NEIL2: variants seen among roughly 807,000 people sequenced by gnomAD.
NEIL2 encodes endonuclease 8-like 2.
In NEIL2, 23 loss-of-function variants were observed where a neutral mutation model predicts 22.2. The ratio of observed to expected loss-of-function variants is 1.04; its 90% CI spans 0.75 to 1.47. NEIL2 has a LOEUF of 1.47. NEIL2 is among the 40% of genes most tolerant of loss of function. NEIL2 has a pLI of 0.00. For synonymous variants in NEIL2, 229 were observed against 164.8 expected, an observed-to-expected ratio of 1.39 and a Z score of -2.99; for missense variants, 583 against 404.7, an observed-to-expected ratio of 1.44 and a Z score of -3.78.
chr8:11,786,953 T>C lies in NEIL2; in HGVS notation c.*680T>C, dbSNP rs1310970708. On this transcript the variant is annotated 3_prime_UTR_variant, in exon 5 of 5. Transcript: ENST00000284503. ...CCGCGCCCAGCTAGCTCCTGTGTTT[T>C]GTTTTTGTTTTGTAACTTTGGTTGA... The C allele has an allele frequency of 6.6e-6, 1 of 152,642 alleles. No individual in the cohort carries two copies. Among genetic ancestry groups the C allele is most frequent in the Non-Finnish European group, 1.5e-5 (1 of 68,388 alleles). 9.5% of individuals were successfully genotyped at this position (152,642 alleles called of 1,614,324 possible).
At position 11,785,947 on chromosome 8, in the gene NEIL2, C is replaced by T. The variant is rs765233210; in HGVS notation, c.689-16C>T. The T allele has an allele frequency of 5.6e-6, 9 of 1,612,434 alleles. No individual in the cohort carries two copies. In the South Asian group the frequency reaches 6.6e-5, roughly 12 times the overall value. On this transcript the variant is annotated splice_polypyrimidine_tract_variant and intron_variant, in intron 4 of 4. Transcript: ENST00000284503. ...TGTCCTTTGTCCTTCCCTTACCTTC[C>T]CCCGCTTTATTTCAGGGAACATCAT...
At chr8:11,781,215 A>C (rs1804393140) in intron 3 of NEIL2, among the ~76,000 whole-genome samples, 1 of 152,140 alleles carries the variant, frequency 6.6e-6, no homozygotes, top group Non-Finnish European at 1.5e-5. Flanking sequence ...TATGGGCTGT[A>C]AAAATAACTC....
intron 2 of NEIL2, 124 bp downstream of exon 2, chr8:11,771,709 G>T (rs781506706): frequency 3.2e-5 from 30 of 942,102 alleles, no homozygotes; most frequent in Non-Finnish European, 4.3e-5. Flanking sequence ...CGGACTCCAT[G>T]CAGCTCCCTC....
intron 4 of NEIL2, among the ~76,000 whole-genome samples, chr8:11,784,640 A>G (rs1196269071): frequency 6.6e-6 from 1 of 152,180 alleles, no homozygotes; most frequent in Non-Finnish European, 1.5e-5. Flanking sequence ...TAAGGAGATC[A>G]TTGTATAATG....
intron 3 of NEIL2, among the ~76,000 whole-genome samples, chr8:11,782,396 G>C (rs548998281): frequency 3.3e-5 from 5 of 152,104 alleles, no homozygotes; most frequent in African/African-American, 9.7e-5. Flanking sequence ...CTGCACTCCC[G>C]CTTGGGTGAC....
intron 2 of NEIL2, among the ~76,000 whole-genome samples, chr8:11,773,644 C>G (rs542627266): frequency 6.6e-6 from 1 of 152,134 alleles, no homozygotes; most frequent in African/African-American, 2.4e-5. Flanking sequence ...AAGGGCATTT[C>G]AGGCTTGAGA....
In NEIL2 at chr8:11,776,075, A is replaced by T. The variant is rs8191586; in HGVS notation, c.139-3523A>T. Reference sequence around the variant, plus strand: ...GTATTAGTCTGTTCTCATGCTGCTGATAAAGACATAACCAAGACTTGGTAA... The same window carrying T: ...GTATTAGTCTGTTCTCATGCTGCTGTTAAAGACATAACCAAGACTTGGTAA... On this transcript the variant is annotated intron_variant, in intron 2 of 4. Coordinates refer to ENST00000284503, the MANE Select transcript of NEIL2 (RefSeq NM_145043.4). 3.3e-5 allele frequency among the ~76,000 whole-genome samples: 5 copies of T among 152,318 alleles called. No homozygotes were observed. The East Asian group carries it at 9.7e-4, about 29-fold the overall frequency.
rs1355024870 is a variant in NEIL2 at position 11,786,533 on chromosome 8, G to A, written c.*260G>A. 46 of 538,072 alleles carry A rather than the reference G, an allele frequency of 8.5e-5. 1 individual carries two copies. In the South Asian group the frequency reaches 9.4e-4, roughly 11 times the overall value. 33.3% of individuals were successfully genotyped at this position (538,072 alleles called of 1,614,324 possible). ...AAGATGGGAAAAATCGTGATGATGG[G>A]TAAGGGGAAAACTTCCCGGAAGGCA... is the stretch of plus-strand genomic sequence containing the variant. On this transcript the variant is annotated 3_prime_UTR_variant, in exon 5 of 5. Coordinates refer to ENST00000284503, the MANE Select transcript of NEIL2 (RefSeq NM_145043.4).
At position 11,786,065 on chromosome 8, in the gene NEIL2, T is replaced by C. The variant is rs764634673; in HGVS notation, c.791T>C (p.Val264Ala). The C allele has an allele frequency of 6.2e-7, 1 of 1,614,100 alleles. No individual in the cohort carries two copies. The highest frequency in any genetic ancestry group is 1.1e-5 in the South Asian group (1 of 91,074). ...ASRREVLVDH[V>A]VEFSTAWLQG... ...CGTCGGGAGGTCCTGGTGGATCACGTGGTGGAGTTCAGTACAGCCTGGCTG... is the reference window on the plus strand; with the variant it reads ...CGTCGGGAGGTCCTGGTGGATCACGCGGTGGAGTTCAGTACAGCCTGGCTG... The change falls in exon 5 of 5, where the codon GTG becomes GCG. Residue 264 changes from valine (V) to alanine (A), a missense_variant. By Grantham distance (64) the Val-to-Ala change is moderately conservative. Transcript: ENST00000284503.
intron 2 of NEIL2, among the ~76,000 whole-genome samples, chr8:11,774,785 A>C (rs1309644729): frequency 6.6e-6 from 1 of 152,258 alleles, no homozygotes; most frequent in Non-Finnish European, 1.5e-5. Flanking sequence ...CGAAGGGGCT[A>C]CAGGCCCCAT....
At chr8:11,779,424 C>G (rs8191607) in intron 2 of NEIL2, among the ~76,000 whole-genome samples, 174 bp from the exon 3 acceptor site, 34 of 152,218 alleles carry the variant, frequency 2.2e-4, no homozygotes, top group Non-Finnish European at 4.6e-4. Flanking sequence ...AAACCACATG[C>G]GAACTGCTCA....
At chr8:11,772,706 A>T (rs560240604) in intron 2 of NEIL2, among the ~76,000 whole-genome samples, 49 of 152,256 alleles carry the variant, frequency 3.2e-4, no homozygotes, top group African/African-American at 1.2e-3. Flanking sequence ...GCACGTAGGA[A>T]GCACGGGTGG....
intron 3 of NEIL2, chr8:11,782,920 T>C (rs544003425): frequency 2.2e-4 from 108 of 498,222 alleles, no homozygotes; most frequent in African/African-American, 2.0e-3. Context: ...TGGGGATGTG[T>C]GTATGTGTGT....
chr8:11,778,360 C>G lies in NEIL2; in HGVS notation c.139-1238C>G, dbSNP rs1163165858. Among the ~76,000 whole-genome samples, 7 of 147,140 alleles carry G rather than the reference C, an allele frequency of 4.8e-5. No homozygotes were observed. The East Asian group carries it at 1.4e-3, about 29-fold the overall frequency. The stretch of plus-strand genomic sequence containing the variant: ...AATATGTGGCAGATAACAATCTGTG[C>G]TCAGATTTACAGATAAGCTATTCTG... On this transcript the variant is annotated intron_variant, in intron 2 of 4. Transcript: ENST00000284503.
At chr8:11,772,330 A>G (rs1209941599) in intron 2 of NEIL2, among the ~76,000 whole-genome samples, 1 of 152,128 alleles carries the variant, frequency 6.6e-6, no homozygotes, top group African/African-American at 2.4e-5. Context: ...TCCTGCCCCA[A>G]ACCTGTCTTC....
At chr8:11,777,943 A>G in intron 2 of NEIL2, among the ~76,000 whole-genome samples, 1 of 152,222 alleles carries the variant, frequency 6.6e-6, no homozygotes, top group South Asian at 2.1e-4. Flanking sequence ...TTGGGGATTA[A>G]GTTTCCAACA....
At chr8:11,784,101 T>G (rs1193454687) in intron 4 of NEIL2, among the ~76,000 whole-genome samples, 1 of 152,148 alleles carries the variant, frequency 6.6e-6, no homozygotes, top group Non-Finnish European at 1.5e-5. Context: ...ATCAGGCAGG[T>G]TGGTGGTGAC....
chr8:11,776,102 T>G (rs977436267), intron 2 of NEIL2, among the ~76,000 whole-genome samples: 3 of 152,184 alleles, frequency 2.0e-5, no homozygotes, highest in African/African-American at 7.2e-5. Flanking sequence ...ACTTGGTAAT[T>G]TATAAAGGGA....
At chr8:11,782,142 G>A (rs545463001) in intron 3 of NEIL2, among the ~76,000 whole-genome samples, 2 of 151,854 alleles carry the variant, frequency 1.3e-5, no homozygotes, top group Admixed American at 1.3e-4. Context: ...AAAATATTAG[G>A]TTGGGTGTGG....
Sources: allele counts gnomAD v4.1 joint callset (sites outside exome capture counted in the v4.1 genomes callset), GRCh38; gene constraint gnomAD v4.1.1; transcripts MANE v1.5; gene names NCBI Gene and HGNC (gene_info 2026-07-23, HGNC 2026-07-21).